Variants in CWF19L1 observed in about 807,000 individuals in gnomAD.
CWF19L1 encodes CWF19-like protein 1.
A neutral mutation model predicts 69.7 loss-of-function variants in CWF19L1; 60 were observed. The ratio of observed to expected loss-of-function variants is 0.86; its 90% CI spans 0.70 to 1.07. The LOEUF (loss-of-function observed/expected upper bound fraction) is 1.07, where lower values mean the gene tolerates loss of function less well. Ranked by LOEUF, CWF19L1 falls within the 50% of genes least tolerant of loss-of-function variation. The pLI, the probability that CWF19L1 is intolerant of heterozygous loss-of-function variation, is 0.00. For synonymous variants in CWF19L1, 209 were observed against 222.2 expected, an observed-to-expected ratio of 0.94 and a Z score of 0.53; for missense variants, 591 against 638.9, an observed-to-expected ratio of 0.92 and a Z score of 0.81.
At chr10:100,235,285 C>A (rs915925963) in intron 13 of CWF19L1, among the ~76,000 whole-genome samples, 1 of 152,198 alleles carries the variant, frequency 6.6e-6, no homozygotes, top group African/African-American at 2.4e-5. Context: ...GTGTAAAGTT[C>A]TTGGTACAGT....
rs1310249089 is a variant in CWF19L1, at chr10:100,236,750, A to G, written c.1374+100T>C. The G allele has an allele frequency of 7.1e-6, 10 of 1,404,738 alleles. No homozygotes were observed. In the East Asian group the frequency reaches 7.5e-5, roughly 10 times the overall value. The allele number at this position is 1,404,738 out of a possible 1,614,324, so 87.0% of individuals were successfully genotyped here. A position where few individuals can be genotyped will look rare whatever the true frequency, so the allele number is the denominator to read the frequency against. ...ATGCCACTGCACTCCAACCTAGGCAACAGAGCAAGACTCTGTCTCAAACAA... is the reference window on the plus strand; with the variant it reads ...ATGCCACTGCACTCCAACCTAGGCAGCAGAGCAAGACTCTGTCTCAAACAA... On this transcript the variant is annotated intron_variant, in intron 12 of 13. Transcript: ENST00000354105.
At chr10:100,254,106 C>G (rs1847131734) in intron 5 of CWF19L1, 1 of 152,292 alleles carries the variant, frequency 6.6e-6, no homozygotes, top group South Asian at 2.1e-4. Context: ...GTCTCAAACT[C>G]CTGATCTCGT....
Position 100,236,887 on chromosome 10 carries a change from T to A in CWF19L1, c.1337A>T (p.Glu446Val). Reference sequence around the variant, plus strand: ...AGAGTGCTCTGGGATTTCCAACAGCTCTATCTGCTGCTCCTGTGCCTGGGT... The same window carrying A: ...AGAGTGCTCTGGGATTTCCAACAGCACTATCTGCTGCTCCTGTGCCTGGGT... ...FITQAQEQQI[E>V]LLEIPEHSDI... Residue 446 changes from glutamate (E) to valine (V), a missense_variant, in exon 12 of 14, where the codon GAG becomes GTG. By Grantham distance (121) the Glu-to-Val change is moderately radical (BLOSUM62 -2). This residue lies in a region of CWF19L1 where 458 missense variants were observed against 489.3 expected (regional missense o/e 0.94). Transcript: ENST00000354105. 2 of 1,611,558 alleles carry A rather than the reference T, an allele frequency of 1.2e-6. No individual in the cohort carries two copies. The highest frequency in any genetic ancestry group is 8.5e-7 in the Non-Finnish European group (1 of 1,178,958).
Position 100,256,248 on chromosome 10 carries a change from C to A in CWF19L1, c.504+14G>T. 1.0e-5 allele frequency: 16 copies of A among 1,607,370 alleles called. No homozygotes were observed. Among genetic ancestry groups the A allele is most frequent in the Non-Finnish European group, 1.4e-5 (16 of 1,174,250 alleles). On this transcript the variant is annotated intron_variant, in intron 5 of 13. Coordinates refer to ENST00000354105, the MANE Select transcript of CWF19L1 (RefSeq NM_018294.6). ...TTTGCTTTTAGAAATTCCAACTAAA[C>A]AAACACTACTCACAGAAGAATTCCC... is the stretch of plus-strand genomic sequence containing the variant.
chr10:100,260,428 C>T, intron 3 of CWF19L1, 109 bp from the exon 4 acceptor site: 3 of 592,440 alleles, frequency 5.1e-6, no homozygotes, highest in Non-Finnish European at 8.8e-6. Flanking sequence ...ATAGTCCATG[C>T]ATTCACATTC....
chr10:100,243,949 T>A (rs1169110940), intron 9 of CWF19L1, among the ~76,000 whole-genome samples, 172 bp from the exon 10 acceptor site: 2 of 152,246 alleles, frequency 1.3e-5, no homozygotes, highest in African/African-American at 4.8e-5. Context: ...ACATTTTCAA[T>A]GAAATTAAAC....
intron 5 of CWF19L1, 49 bp from the exon 6 acceptor site, chr10:100,253,588 A>G: frequency 1.0e-6 from 1 of 996,692 alleles, no homozygotes; most frequent in Non-Finnish European, 1.6e-6. Flanking sequence ...GTTATCAAGA[A>G]ATGCAAATAA....
Position 100,233,328 on chromosome 10 carries a change from A to G in CWF19L1, c.1516T>C (p.Ser506Pro), listed in dbSNP as rs963341530. Residue 506 changes from serine to proline, a missense_variant, in exon 14 of 14, where the codon TCT (serine) becomes CCT (proline). Coordinates refer to ENST00000354105, the MANE Select transcript of CWF19L1 (RefSeq NM_018294.6). ...SEAILNVPDK[S>P]DWRQCQISKE... ...CTGATCTGACACTGCCTCCAGTCAG[A>G]CTTATCAGGAACATTAAGGATGGCT... The G allele has an allele frequency of 1.9e-6, 3 of 1,613,798 alleles. No homozygotes were observed. The African/African-American group carries it at 4.0e-5, about 22-fold the overall frequency.
chr10:100,243,786 AAAAG>A lies in CWF19L1; in HGVS notation c.965-13_965-10del. 4.3e-6 allele frequency: 7 copies of A among 1,612,902 alleles called. No homozygotes were observed. In the South Asian group the frequency reaches 7.7e-5, roughly 18 times the overall value. On this transcript the variant is annotated splice_polypyrimidine_tract_variant and intron_variant, in intron 9 of 13. Transcript: ENST00000354105. ...GGGTCCTGGAGGCTGAGCTTCATGT[AAAAG>A]AAAGCCAGGTGTTACTATGGTCCAA...
At chr10:100,251,301 C>A (rs1847020456) in intron 6 of CWF19L1, among the ~76,000 whole-genome samples, 1 of 152,156 alleles carries the variant, frequency 6.6e-6, no homozygotes, top group Admixed American at 6.5e-5. Context: ...AAACAGTTTT[C>A]CAAAGCGGCT....
rs68024399 is a variant in CWF19L1, at chr10:100,266,839, GTTTGTTTTGT to G, written c.23+722_23+731del. 1.1e-3 allele frequency among the ~76,000 whole-genome samples: 156 copies of G among 148,300 alleles called. 3 individuals are homozygous for G. Among genetic ancestry groups the G allele is most frequent in the Admixed American group, 7.3e-3 (109 of 14,964 alleles). On this transcript the variant is annotated intron_variant, in intron 1 of 13. Coordinates refer to ENST00000354105, the MANE Select transcript of CWF19L1 (RefSeq NM_018294.6). ...CCGGCCATTATTTGTATTGTTTTTT[GTTTGTTTTGT>G]TTTGTTTTGTTTTGTTTTGAGAGTC... is the stretch of plus-strand genomic sequence containing the variant.
chr10:100,253,400 G>T, intron 6 of CWF19L1, 21 bp downstream of exon 6: 1 of 1,385,380 alleles, frequency 7.2e-7, no homozygotes, highest in Non-Finnish European at 1.0e-6. Context: ...AAAAAGCCAA[G>T]AAGAATGAAA....
At position 100,253,432 on chromosome 10, in the gene CWF19L1, C is replaced by G. The variant is rs1435296622; in HGVS notation, c.612G>C (p.Arg204Ser). 7 of 1,592,952 alleles carry G rather than the reference C, an allele frequency of 4.4e-6. No individual in the cohort carries two copies. The highest frequency in any genetic ancestry group is 6.0e-6 in the Non-Finnish European group (7 of 1,161,210). Reference protein sequence around the residue: ...FAALEKTYYERLPYRNHIILQ... With the variant: ...FAALEKTYYESLPYRNHIILQ... Reference sequence around the variant, plus strand: ...GAAATGCTACTCACCGATATGGAAGCCTCTCATAATAGGTCTTTTCCAAAG... The same window carrying G: ...GAAATGCTACTCACCGATATGGAAGGCTCTCATAATAGGTCTTTTCCAAAG... The change falls in exon 6 of 14, where the codon AGG becomes AGC. Residue 204 changes from arginine to serine, a missense_variant. Coordinates refer to ENST00000354105, the MANE Select transcript of CWF19L1 (RefSeq NM_018294.6).
intron 1 of CWF19L1, among the ~76,000 whole-genome samples, chr10:100,265,877 T>C (rs1047901797): frequency 4.6e-5 from 7 of 152,184 alleles, no homozygotes; most frequent in African/African-American, 1.7e-4. Flanking sequence ...ACCATTGTGT[T>C]ACAATTGCCT....
chr10:100,250,153 G>A, intron 7 of CWF19L1, 95 bp downstream of exon 7: 2 of 865,650 alleles, frequency 2.3e-6, no homozygotes, highest in African/African-American at 1.6e-5. Flanking sequence ...TTGCAGTCAG[G>A]GAGAAGAGAA....
intron 7 of CWF19L1, chr10:100,248,952 G>C: frequency 1.3e-6 from 1 of 754,218 alleles, no homozygotes; most frequent in Non-Finnish European, 2.4e-6. Context: ...CCACCGCAGG[G>C]AACAGCCTGA....
rs1846308543 is a variant in CWF19L1 at position 100,232,392 on chromosome 10, T to C, written c.*835A>G. On this transcript the variant is annotated 3_prime_UTR_variant, in exon 14 of 14. Coordinates refer to ENST00000354105, the MANE Select transcript of CWF19L1 (RefSeq NM_018294.6). ...TGTACTTGGAGCTGGATAACAGACA[T>C]AGGAGCTGGATGACAGACATACTTT... is the stretch of plus-strand genomic sequence containing the variant. 6.6e-6 allele frequency: 1 copy of C among 152,260 alleles called. No individual in the cohort carries two copies. Among genetic ancestry groups the C allele is most frequent in the African/African-American group, 2.4e-5 (1 of 41,444 alleles). 9.4% of individuals were successfully genotyped at this position (152,260 alleles called of 1,614,324 possible). A position where few individuals can be genotyped will look rare whatever the true frequency, so the allele number is the denominator to read the frequency against.
chr10:100,253,514 C>T lies in CWF19L1; in HGVS notation c.530G>A (p.Gly177Asp), dbSNP rs995995709. 2 of 1,613,684 alleles carry T rather than the reference C, an allele frequency of 1.2e-6. No homozygotes were observed. The highest frequency in any genetic ancestry group is 2.2e-5 in the East Asian group (1 of 44,858). ...GGCAAGACTGGAAACCAAAGCAGAA[C>T]CACATTTTTTGGTATCCACTTCTCC... ...SSGEVDTKKC[G>D]SALVSSLATG... Residue 177 changes from glycine to aspartate, a missense_variant, in exon 6 of 14, where the codon GGT becomes GAT. Gly to Asp is a moderately conservative substitution (Grantham distance 94). Coordinates refer to ENST00000354105, the MANE Select transcript of CWF19L1 (RefSeq NM_018294.6).
chr10:100,266,682 A>ATTTTTTTTTTTTT (rs35028554), intron 1 of CWF19L1, among the ~76,000 whole-genome samples: 3 of 135,108 alleles, frequency 2.2e-5, no homozygotes, highest in African/African-American at 8.5e-5. Context: ...CGCCTGGCTA[A>ATTTTTTTTTTTTT]TTTTTTTTTT....
Sources: gnomAD v4.1 joint callset for allele counts (sites outside exome capture counted in the v4.1 genomes callset) on GRCh38, gnomAD v4.1.1 for gene constraint, gnomAD v4.1.1 regional missense constraint, MANE v1.5 for transcripts, NCBI Gene and HGNC (gene_info 2026-07-23, HGNC 2026-07-21) for gene names.